Variants in KCNMA1 observed in about 807,000 individuals in gnomAD.
KCNMA1 encodes Calcium-activated potassium channel subunit alpha-1.
Under a neutral mutation model 140.0 loss-of-function variants are expected in KCNMA1, and 29 were observed. The ratio of observed to expected loss-of-function variants is 0.21; its 90% CI spans 0.15 to 0.28. The LOEUF is 0.28. Among genes scored for constraint, KCNMA1 ranks in the 10% least tolerant of loss-of-function variants. The probability of loss-of-function intolerance (pLI) is 1.00; values close to 1 mark genes in which losing one functional copy is unlikely to be tolerated. For missense variants in KCNMA1, 880 were observed against 1,602.2 expected (o/e 0.55, Z 7.70); for synonymous variants, 612 against 611.9 (o/e 1.00, Z 0.00).
intron 1 of KCNMA1, among the ~76,000 whole-genome samples, chr10:77,526,213 T>G (rs535386187): frequency 2.5e-4 from 38 of 152,312 alleles, no homozygotes; most frequent in Non-Finnish European, 4.4e-4. Flanking sequence ...GAACCACTGA[T>G]CCATCCATAG....
At chr10:77,033,879 C>T (rs1017688399) in intron 15 of KCNMA1, among the ~76,000 whole-genome samples, 3 of 152,108 alleles carry the variant, frequency 2.0e-5, no homozygotes, top group Admixed American at 6.5e-5. Flanking sequence ...ATATGTTCAA[C>T]CCTAATTACA....
intron 1 of KCNMA1, among the ~76,000 whole-genome samples, chr10:77,609,237 T>G (rs1041731171): frequency 2.0e-5 from 3 of 152,230 alleles, no homozygotes; most frequent in Non-Finnish European, 4.4e-5. Flanking sequence ...TTGTGGTACA[T>G]GTACACAGTG....
intron 1 of KCNMA1, among the ~76,000 whole-genome samples, chr10:77,603,161 TA>T (rs2083222740): frequency 6.6e-6 from 1 of 152,102 alleles, no homozygotes; most frequent in African/African-American, 2.4e-5. Context: ...GAGCAAAAAA[TA>T]GGATTCCCAC....
intron 1 of KCNMA1, among the ~76,000 whole-genome samples, chr10:77,507,102 G>A (rs556546207): frequency 2.4e-4 from 37 of 152,282 alleles, no homozygotes; most frequent in African/African-American, 8.2e-4. Flanking sequence ...GGCAGGGGAA[G>A]CAAACTTTTG....
At chr10:77,472,717 T>C (rs1038102811) in intron 1 of KCNMA1, among the ~76,000 whole-genome samples, 4 of 152,220 alleles carry the variant, frequency 2.6e-5, no homozygotes, top group African/African-American at 9.6e-5. Flanking sequence ...ACAATATAAA[T>C]ATCTGTGCGT....
chr10:77,093,575 G>A (rs2096864030), intron 9 of KCNMA1, among the ~76,000 whole-genome samples: 1 of 152,174 alleles, frequency 6.6e-6, no homozygotes. Context: ...CTGTGTCTGA[G>A]GAGGGCCCTG....
chr10:77,159,835 T>C (rs1350408886), intron 5 of KCNMA1, among the ~76,000 whole-genome samples: 1 of 152,178 alleles, frequency 6.6e-6, no homozygotes, highest in Non-Finnish European at 1.5e-5. Context: ...CTTTACTTAC[T>C]TCCTTCTCCC....
At chr10:77,632,175 G>C (rs1223076817) in intron 1 of KCNMA1, among the ~76,000 whole-genome samples, 1 of 152,218 alleles carries the variant, frequency 6.6e-6, no homozygotes, top group African/African-American at 2.4e-5. Flanking sequence ...CTCCAAAGGG[G>C]AAGCTCAGCC....
chr10:77,095,411 C>T (rs2096906827), intron 9 of KCNMA1, among the ~76,000 whole-genome samples: 1 of 152,176 alleles, frequency 6.6e-6, no homozygotes, highest in Non-Finnish European at 1.5e-5. Flanking sequence ...GAAGCATCTT[C>T]AATGCCAAAA....
intron 19 of KCNMA1, chr10:76,977,641 G>A (rs2078067071): frequency 1.4e-6 from 1 of 702,662 alleles, no homozygotes; most frequent in South Asian, 1.5e-5. Flanking sequence ...TTCCCAACCT[G>A]CCAAGACAGC....
At chr10:77,465,453 A>G (rs2097973366) in intron 1 of KCNMA1, among the ~76,000 whole-genome samples, 1 of 152,174 alleles carries the variant, frequency 6.6e-6, no homozygotes, top group Admixed American at 6.5e-5. Context: ...AGAAATACTC[A>G]GAGTTTTGGA....
chr10:77,558,273 G>C (rs1567538260), intron 1 of KCNMA1, among the ~76,000 whole-genome samples: 1 of 152,098 alleles, frequency 6.6e-6, no homozygotes, highest in Admixed American at 6.5e-5. Context: ...CGTGAATCAG[G>C]TAATACCCTG....
intron 1 of KCNMA1, chr10:77,433,739 A>G (rs1003743276): frequency 1.3e-5 from 2 of 152,210 alleles, no homozygotes; most frequent in African/African-American, 4.8e-5. Flanking sequence ...ATGCTCAGCC[A>G]GAAGGCCATG....
At chr10:77,147,810 T>C (rs1033076343) in intron 5 of KCNMA1, 2 of 152,220 alleles carry the variant, frequency 1.3e-5, no homozygotes, top group Non-Finnish European at 2.9e-5. Flanking sequence ...GTCACTGAAG[T>C]ACCCACAGGT....
chr10:76,921,825 G>A (rs2055915423), intron 23 of KCNMA1, among the ~76,000 whole-genome samples: 1 of 152,148 alleles, frequency 6.6e-6, no homozygotes, highest in Non-Finnish European at 1.5e-5. Flanking sequence ...CCAGCCAAAG[G>A]AAAAACCTCA....
At chr10:77,053,673 G>A (rs563469803) in intron 14 of KCNMA1, among the ~76,000 whole-genome samples, 30 of 152,244 alleles carry the variant, frequency 2.0e-4, no homozygotes, top group African/African-American at 7.0e-4. Context: ...CTTAGAGGGT[G>A]GTTTTATATC....
chr10:77,002,303 T>TA (rs2086730011), intron 18 of KCNMA1, among the ~76,000 whole-genome samples: 1 of 152,162 alleles, frequency 6.6e-6, no homozygotes, highest in Admixed American at 6.5e-5. Context: ...AGTTCACAAA[T>TA]AAGAAATCAC....
chr10:77,260,727 C>A (rs1470118141), intron 2 of KCNMA1, among the ~76,000 whole-genome samples: 4 of 151,824 alleles, frequency 2.6e-5, no homozygotes, highest in South Asian at 2.1e-4. Context: ...AACAAACAAA[C>A]AAAAAACAAA....
intron 23 of KCNMA1, among the ~76,000 whole-genome samples, chr10:76,941,022 A>AAGGAAGGAAGGAAGG (rs1565058483): frequency 1.1e-3 from 51 of 45,490 alleles, no homozygotes; most frequent in East Asian, 7.7e-3. Context: ...AGGAAGGAAG[A>AAGGAAGGAAGGAAGG]AAGAAAGAAA....
Sources: allele counts gnomAD v4.1 joint callset (sites outside exome capture counted in the v4.1 genomes callset), GRCh38; gene constraint gnomAD v4.1.1; transcripts MANE v1.5; gene names NCBI Gene and HGNC (gene_info 2026-07-23, HGNC 2026-07-21).